The following LAMA3 variants were observed in gnomAD, a reference collection of about 807,000 sequenced individuals.
The protein encoded by LAMA3 is laminin subunit alpha 3, also known as laminin subunit alpha-3.
In LAMA3, 281 loss-of-function variants were observed where a neutral mutation model predicts 402.0. That is an observed-to-expected ratio of 0.70 (90% CI 0.63 to 0.77). The LOEUF (loss-of-function observed/expected upper bound fraction) is 0.77, where lower values mean the gene tolerates loss of function less well. Among genes scored for constraint, LAMA3 ranks in the 30% least tolerant of loss-of-function variants. The pLI is 0.00. For missense variants in LAMA3, 3,840 were observed against 4,215.5 expected (o/e 0.91, Z 2.47); for synonymous variants, 1,431 against 1,558.4 (o/e 0.92, Z 1.93).
intron 14 of LAMA3, 53 bp downstream of exon 14, chr18:23,813,156 C>A: frequency 8.2e-7 from 1 of 1,213,780 alleles, no homozygotes; most frequent in Non-Finnish European, 1.2e-6. Flanking sequence ...TATTCTCATG[C>A]ATATTAAGGA....
At position 23,779,712 on chromosome 18, in the gene LAMA3, G is replaced by A. The variant is rs369675954; in HGVS notation, c.1468+2093G>A. ...AGCAAGAAGCAAGAGAGGAGGGCTC[G>A]GGGTTGAGTAGGGAGAAGGTATGAG... On this transcript the variant is annotated intron_variant, in intron 11 of 74. Coordinates refer to ENST00000313654, the MANE Select transcript of LAMA3 (RefSeq NM_198129.4). Among the ~76,000 whole-genome samples, 130 of 152,252 alleles carry A rather than the reference G, an allele frequency of 8.5e-4. 3 individuals are homozygous for A. In the South Asian group the frequency reaches 0.026, roughly 30 times the overall value.
chr18:23,697,287 T>C (rs565186645), intron 1 of LAMA3, among the ~76,000 whole-genome samples: 8 of 152,342 alleles, frequency 5.3e-5, no homozygotes, highest in East Asian at 1.9e-4. Context: ...AAGGCTTTAC[T>C]TGGGAGGCCT....
intron 2 of LAMA3, among the ~76,000 whole-genome samples, chr18:23,736,171 C>T (rs1340562899): frequency 6.6e-6 from 1 of 151,794 alleles, no homozygotes; most frequent in African/African-American, 2.4e-5. Context: ...TAGCACCAGA[C>T]ATTCTGGCTC....
chr18:23,855,207 C>G (rs1598929509), intron 32 of LAMA3, among the ~76,000 whole-genome samples: 2 of 152,180 alleles, frequency 1.3e-5, no homozygotes, highest in South Asian at 4.1e-4. Context: ...CGCATGTTTG[C>G]TAAAAGAAAC....
At chr18:23,924,207 A>C (rs1278112924) in intron 62 of LAMA3, among the ~76,000 whole-genome samples, 1 of 152,140 alleles carries the variant, frequency 6.6e-6, no homozygotes, top group African/African-American at 2.4e-5. Context: ...GCTGGAGTTC[A>C]GTGGCGCCAT....
In LAMA3 at chr18:23,881,979, A is replaced by G; in HGVS notation, c.5156A>G (p.Gln1719Arg). The change falls in exon 40 of 75, where the codon CAG becomes CGG. Residue 1719 changes from glutamine (Q) to arginine (R), a missense_variant. Gln to Arg is a conservative substitution (Grantham distance 43). Coordinates refer to ENST00000313654, the MANE Select transcript of LAMA3 (RefSeq NM_198129.4). ...GCGGGAGAGCACTGTGAACGCTGCC[A>G]GGAGGGCTACTATGGCAACGCCGTC... is the stretch of plus-strand genomic sequence containing the variant. ...NTAGEHCERC[Q>R]EGYYGNAVHG... 3 of 1,614,142 alleles carry G rather than the reference A, an allele frequency of 1.9e-6. No individual in the cohort carries two copies. Among genetic ancestry groups the G allele is most frequent in the Non-Finnish European group, 2.5e-6 (3 of 1,180,014 alleles).
chr18:23,882,111 G>T (rs2064918490), intron 40 of LAMA3, 66 bp downstream of exon 40: 6 of 1,002,828 alleles, frequency 6.0e-6, no homozygotes, highest in Non-Finnish European at 9.5e-6. Flanking sequence ...TAGGACTAGG[G>T]GTGGGAGAGC....
intron 38 of LAMA3, 41 bp from the exon 39 acceptor site, chr18:23,876,253 T>G (rs2064706456): frequency 7.5e-7 from 1 of 1,337,512 alleles, no homozygotes. Flanking sequence ...AGTAATTGTT[T>G]TCTTTCTTTG....
At chr18:23,937,313 C>T (rs2082340516) in intron 67 of LAMA3, among the ~76,000 whole-genome samples, 1 of 138,758 alleles carries the variant, frequency 7.2e-6, no homozygotes, top group South Asian at 2.4e-4. Context: ...TTGCAGTGAG[C>T]TGAGATCGCG....
Position 23,912,854 on chromosome 18 carries a change from G to A in LAMA3, c.7302G>A (p.Met2434Ile). The A allele has an allele frequency of 6.2e-7, 1 of 1,613,998 alleles. No homozygotes were observed. The highest frequency in any genetic ancestry group is 2.2e-5 in the East Asian group (1 of 44,892). The change falls in exon 56 of 75, where the codon ATG (methionine) becomes ATA (isoleucine). Residue 2434 changes from methionine to isoleucine, a missense_variant. Physicochemically the swap from Met to Ile is conservative, Grantham distance 10 (BLOSUM62 1). Around this residue, in one of 3 missense-constraint regions of LAMA3, gnomAD observed 891 missense variants for 857.5 expected, o/e 1.04. Coordinates refer to ENST00000313654, the MANE Select transcript of LAMA3 (RefSeq NM_198129.4). ...GAGAAAATGGGGGTACTGAGAATATGTTTGTGATGTACCTTGGAAATAAAG... is the reference window on the plus strand; with the variant it reads ...GAGAAAATGGGGGTACTGAGAATATATTTGTGATGTACCTTGGAAATAAAG... Reference protein sequence around the residue: ...NSRENGGTENMFVMYLGNKDA... With the variant: ...NSRENGGTENIFVMYLGNKDA...
At chr18:23,905,378 C>G in intron 51 of LAMA3, 144 bp from the exon 52 acceptor site, 1 of 588,948 alleles carries the variant, frequency 1.7e-6, no homozygotes, top group Non-Finnish European at 3.1e-6. Flanking sequence ...AGCCCTAACT[C>G]TTTTAGGGAA....
Position 23,943,849 on chromosome 18 carries a change from A to C in LAMA3, c.9088A>C (p.Thr3030Pro). The C allele has an allele frequency of 6.2e-7, 1 of 1,614,014 alleles. No individual in the cohort carries two copies. The highest frequency in any genetic ancestry group is 1.7e-5 in the Admixed American group (1 of 60,018). The stretch of plus-strand genomic sequence containing the variant: ...CAGAGGACTGGTGTTTCACACGGGC[A>C]CTAAGAACTCCTTTATGGCTCTTTA... ...SSRGLVFHTG[T>P]KNSFMALYLS... The change falls in exon 69 of 75, where the codon ACT becomes CCT. Residue 3030 changes from threonine (T) to proline (P), a missense_variant. Physicochemically the swap from Thr to Pro is conservative, Grantham distance 38. Coordinates refer to ENST00000313654, the MANE Select transcript of LAMA3 (RefSeq NM_198129.4).
intron 19 of LAMA3, among the ~76,000 whole-genome samples, chr18:23,821,352 T>C (rs955445333): frequency 2.0e-5 from 3 of 152,126 alleles, no homozygotes; most frequent in Non-Finnish European, 2.9e-5. Context: ...GTGGGTCACC[T>C]GTAGCTCCTG....
chr18:23,927,126 C>T (rs2082025008), intron 62 of LAMA3, among the ~76,000 whole-genome samples: 1 of 152,194 alleles, frequency 6.6e-6, no homozygotes, highest in South Asian at 2.1e-4. Flanking sequence ...GTCCAGGTGC[C>T]ATGCACTGCT....
intron 18 of LAMA3, among the ~76,000 whole-genome samples, chr18:23,816,769 C>T (rs2063183705): frequency 6.6e-6 from 1 of 152,142 alleles, no homozygotes; most frequent in Non-Finnish European, 1.5e-5. Context: ...GAGCTGGAAG[C>T]ATGAAGTGGG....
chr18:23,722,581 A>G (rs78451335), intron 2 of LAMA3, among the ~76,000 whole-genome samples: 2,171 of 152,302 alleles, frequency 0.014, 53 homozygotes, highest in African/African-American at 0.05. Context: ...GTTGGTTTTC[A>G]TAAAACTAGC....
At chr18:23,891,303 T>G (rs1458355888) in intron 42 of LAMA3, among the ~76,000 whole-genome samples, 1 of 152,222 alleles carries the variant, frequency 6.6e-6, no homozygotes, top group East Asian at 1.9e-4. Context: ...CAAGAGTCTG[T>G]CCAGGTGTGT....
At chr18:23,715,822 A>G (rs1469947616) in intron 2 of LAMA3, among the ~76,000 whole-genome samples, 1 of 152,220 alleles carries the variant, frequency 6.6e-6, no homozygotes, top group African/African-American at 2.4e-5. Flanking sequence ...AAAAAATACT[A>G]CTTGAAAGAA....
At chr18:23,776,202 C>T (rs889430602) in intron 10 of LAMA3, among the ~76,000 whole-genome samples, 3 of 151,966 alleles carry the variant, frequency 2.0e-5, no homozygotes, top group African/African-American at 7.3e-5. Flanking sequence ...CTTAATAATC[C>T]ATGTGTGTGA....
Sources: allele counts gnomAD v4.1 joint callset (sites outside exome capture counted in the v4.1 genomes callset), GRCh38; gene constraint gnomAD v4.1.1; regional missense constraint gnomAD v4.1.1; transcripts MANE v1.5; gene names NCBI Gene and HGNC (gene_info 2026-07-23, HGNC 2026-07-21).